Variants in PTPRD observed in about 807,000 individuals in gnomAD.
The protein encoded by PTPRD is receptor-type tyrosine-protein phosphatase delta.
A neutral mutation model predicts 214.5 loss-of-function variants in PTPRD; 34 were observed. The observed-to-expected ratio is 0.16, with a 90% CI of 0.12 to 0.21. The LOEUF (loss-of-function observed/expected upper bound fraction) is 0.21, where lower values mean the gene tolerates loss of function less well. Among genes scored for constraint, PTPRD ranks in the 10% least tolerant of loss-of-function variants. The pLI, the probability that PTPRD is intolerant of heterozygous loss-of-function variation, is 1.00. For missense variants in PTPRD, 2,545 were observed against 2,398.7 expected, an observed-to-expected ratio of 1.06 and a Z score of -1.27; for synonymous variants, 1,128 against 845.7, an observed-to-expected ratio of 1.33 and a Z score of -5.79.
At chr9:9,478,364 G>A (rs757307663) in intron 8 of PTPRD, among the ~76,000 whole-genome samples, 15 of 152,170 alleles carry the variant, frequency 9.9e-5, no homozygotes, top group South Asian at 8.3e-4. Flanking sequence ...ATTCTGAGAG[G>A]TTAATAGCTG....
chr9:9,126,918 T>A (rs1040236438), intron 10 of PTPRD, among the ~76,000 whole-genome samples: 1 of 152,162 alleles, frequency 6.6e-6, no homozygotes, highest in Non-Finnish European at 1.5e-5. Context: ...CTGGAGCCCA[T>A]CCTAGCATCT....
At chr9:8,623,523 G>A (rs542544001) in intron 14 of PTPRD, among the ~76,000 whole-genome samples, 2 of 151,632 alleles carry the variant, frequency 1.3e-5, no homozygotes, top group African/African-American at 2.4e-5. Flanking sequence ...TCACAAATGG[G>A]GCAGTTCCCT....
At chr9:9,091,180 C>T (rs148137728) in intron 10 of PTPRD, 20,168 of 1,532,908 alleles carry the variant, frequency 0.013, 149 homozygotes, top group Non-Finnish European at 0.014. Context: ...CCGCAAGGAC[C>T]GAACACCCCC....
chr9:9,339,602 G>A (rs2045982351), intron 9 of PTPRD, among the ~76,000 whole-genome samples: 1 of 152,098 alleles, frequency 6.6e-6, no homozygotes, highest in African/African-American at 2.4e-5. Context: ...CATATTTACT[G>A]AATAAATTAA....
intron 2 of PTPRD, among the ~76,000 whole-genome samples, chr9:10,539,961 C>G (rs2058724560): frequency 6.6e-6 from 1 of 152,164 alleles, no homozygotes; most frequent in Admixed American, 6.6e-5. Context: ...TTAAATACTT[C>G]TCTGGAATTC....
intron 2 of PTPRD, among the ~76,000 whole-genome samples, chr9:10,544,613 G>A (rs2059817628): frequency 6.6e-6 from 1 of 152,062 alleles, no homozygotes; most frequent in Admixed American, 6.6e-5. Context: ...AAGGCTCTAG[G>A]ACTATAAGCA....
intron 8 of PTPRD, among the ~76,000 whole-genome samples, chr9:9,404,905 G>T (rs1350374771): frequency 6.6e-6 from 1 of 152,056 alleles, no homozygotes; most frequent in Non-Finnish European, 1.5e-5. Context: ...TCTTTTCCAA[G>T]TCCCTACTTT....
rs1340958879 is a variant in PTPRD at position 9,046,090 on chromosome 9, T to A, written c.-142-27355A>T. On this transcript the variant is annotated intron_variant, in intron 10 of 45. Transcript: ENST00000381196. ...ACATAACACTCATGCTTTATTTTTATGTAAAATGTCAGAAACTTTATTATC... is the reference window on the plus strand; with the variant it reads ...ACATAACACTCATGCTTTATTTTTAAGTAAAATGTCAGAAACTTTATTATC... 2.0e-5 allele frequency among the ~76,000 whole-genome samples: 3 copies of A among 152,186 alleles called. No individual in the cohort carries two copies. The East Asian group carries it at 5.8e-4, about 29-fold the overall frequency.
At chr9:9,616,688 G>A (rs1051305059) in intron 7 of PTPRD, among the ~76,000 whole-genome samples, 2 of 152,058 alleles carry the variant, frequency 1.3e-5, no homozygotes, top group African/African-American at 4.8e-5. Context: ...AAAACAGATA[G>A]AAACTGGACC....
intron 3 of PTPRD, among the ~76,000 whole-genome samples, chr9:10,208,656 C>G (rs1427031258): frequency 2.0e-5 from 3 of 152,184 alleles, no homozygotes; most frequent in Non-Finnish European, 4.4e-5. Flanking sequence ...TCTGCTCCCC[C>G]ATTTTGTTTT....
intron 9 of PTPRD, among the ~76,000 whole-genome samples, chr9:9,306,747 A>C (rs916966009): frequency 1.3e-5 from 2 of 151,886 alleles, no homozygotes; most frequent in African/African-American, 4.8e-5. Context: ...AAATAGAAAC[A>C]CTCTCATTTT....
intron 2 of PTPRD, among the ~76,000 whole-genome samples, chr9:10,351,900 GT>G (rs2097189898): frequency 6.6e-6 from 1 of 152,016 alleles, no homozygotes; most frequent in South Asian, 2.1e-4. Context: ...GCATAGATGT[GT>G]TAGCAAACCT....
At chr9:8,665,302 T>G (rs1160770987) in intron 12 of PTPRD, among the ~76,000 whole-genome samples, 1 of 152,240 alleles carries the variant, frequency 6.6e-6, no homozygotes, top group African/African-American at 2.4e-5. Flanking sequence ...ACAACCACTG[T>G]AGGCAGCCCT....
At chr9:8,414,957 GAGA>G (rs1564641926) in intron 35 of PTPRD, among the ~76,000 whole-genome samples, 11 of 148,932 alleles carry the variant, frequency 7.4e-5, no homozygotes, top group Non-Finnish European at 1.2e-4. Flanking sequence ...GAGAGAGAGA[GAGA>G]GAGAGAGAGA....
chr9:9,443,276 A>C (rs115475764), intron 8 of PTPRD, among the ~76,000 whole-genome samples: 2,535 of 152,290 alleles, frequency 0.017, 40 homozygotes, highest in African/African-American at 0.048. Flanking sequence ...CATGGACAGG[A>C]TCCCAAGGGT....
At chr9:8,443,067 C>T (rs1328056498) in intron 34 of PTPRD, among the ~76,000 whole-genome samples, 2 of 152,126 alleles carry the variant, frequency 1.3e-5, no homozygotes, top group Admixed American at 6.5e-5. Context: ...ATTACTTAAG[C>T]GTGGAATGTT....
intron 11 of PTPRD, among the ~76,000 whole-genome samples, chr9:9,010,259 C>A (rs1178893863): frequency 1.3e-5 from 2 of 152,136 alleles, no homozygotes; most frequent in African/African-American, 2.4e-5. Flanking sequence ...AAGTAAGACA[C>A]AATGGATAGA....
intron 9 of PTPRD, among the ~76,000 whole-genome samples, chr9:9,191,842 T>C (rs2099935382): frequency 6.6e-6 from 1 of 152,080 alleles, no homozygotes; most frequent in Non-Finnish European, 1.5e-5. Context: ...ATACTATTAA[T>C]AGTAATCAGT....
intron 11 of PTPRD, among the ~76,000 whole-genome samples, chr9:8,808,462 C>CTTTT (rs34627797): frequency 3.0e-5 from 3 of 98,788 alleles, no homozygotes; most frequent in African/African-American, 1.2e-4. Flanking sequence ...AGCCCCCCAC[C>CTTTT]TTTTTTTTTT....
Sources: gnomAD v4.1 joint callset for allele counts (sites outside exome capture counted in the v4.1 genomes callset) on GRCh38, gnomAD v4.1.1 for gene constraint, MANE v1.5 for transcripts, NCBI Gene and HGNC (gene_info 2026-07-23, HGNC 2026-07-21) for gene names.